Variants in GABRG3 observed in about 807,000 individuals in gnomAD.
GABRG3 encodes the protein gamma-aminobutyric acid type A receptor subunit gamma3, also known as gamma-aminobutyric acid receptor subunit gamma-3.
A neutral mutation model predicts 48.8 loss-of-function variants in GABRG3; 25 were observed. The ratio of observed to expected loss-of-function variants is 0.51; its 90% confidence interval spans 0.37 to 0.72. The LOEUF (loss-of-function observed/expected upper bound fraction) is 0.72. Among genes scored for constraint, GABRG3 ranks in the 30% least tolerant of loss-of-function variants. The pLI is 0.00. For missense variants in GABRG3, 394 were observed against 577.9 expected (o/e 0.68, Z 3.26); for synonymous variants, 227 against 217.6 (o/e 1.04, Z -0.38).
chr15:27,253,497 C>T (rs2140461486), intron 3 of GABRG3, among the ~76,000 whole-genome samples: 1 of 152,358 alleles, frequency 6.6e-6, no homozygotes, highest in South Asian at 2.1e-4. Flanking sequence ...GAACTCCCCA[C>T]CTGGGGAAAT....
At chr15:27,522,408 A>G (rs181139541) in intron 7 of GABRG3, among the ~76,000 whole-genome samples, 41 of 151,940 alleles carry the variant, frequency 2.7e-4, no homozygotes, top group African/African-American at 9.2e-4. Context: ...AATGAAAAAC[A>G]TCAGAAATGG....
intron 6 of GABRG3, among the ~76,000 whole-genome samples, chr15:27,507,686 G>A (rs1034450060): frequency 4.6e-5 from 7 of 152,046 alleles, no homozygotes; most frequent in East Asian, 1.9e-4. Context: ...TGGTTGATAC[G>A]ATTGTTCAAG....
chr15:27,177,557 G>C (rs1274747009), intron 3 of GABRG3, among the ~76,000 whole-genome samples: 1 of 152,206 alleles, frequency 6.6e-6, no homozygotes. Flanking sequence ...TCAAAGTTAA[G>C]TTATAAACTA....
intron 8 of GABRG3, 131 bp from the exon 9 acceptor site, chr15:27,527,802 A>C: frequency 1.0e-6 from 1 of 966,946 alleles, no homozygotes; most frequent in Non-Finnish European, 1.6e-6. Flanking sequence ...ATGTGACTCT[A>C]AGACATCTCT....
intron 3 of GABRG3, among the ~76,000 whole-genome samples, chr15:27,302,169 A>C (rs970856234): frequency 6.6e-6 from 1 of 152,122 alleles, no homozygotes; most frequent in African/African-American, 2.4e-5. Context: ...ATTCTTCAAA[A>C]TATGTTTGAT....
intron 6 of GABRG3, among the ~76,000 whole-genome samples, chr15:27,485,490 A>G (rs928689605): frequency 3.3e-5 from 5 of 152,132 alleles, no homozygotes; most frequent in Non-Finnish European, 7.4e-5. Context: ...ATGCCACTGG[A>G]GCTAGAGCCC....
intron 3 of GABRG3, among the ~76,000 whole-genome samples, chr15:27,030,450 A>G (rs961152447): frequency 1.3e-5 from 2 of 152,166 alleles, no homozygotes; most frequent in African/African-American, 4.8e-5. Flanking sequence ...GGAGCTGTTT[A>G]TGCTTTTTCT....
intron 2 of GABRG3, among the ~76,000 whole-genome samples, chr15:27,004,022 C>T (rs530313195): frequency 1.2e-3 from 177 of 146,372 alleles, no homozygotes; most frequent in African/African-American, 3.5e-3. Context: ...GCTGTCCGGG[C>T]GGGGGGCTGA....
rs373413606 is a variant in GABRG3 at position 27,527,446 on chromosome 15, G to A, written c.879G>A (p.Val293=). Residue 293 remains valine, a synonymous_variant, in exon 8 of 10, where the codon GTG becomes GTA. Coordinates refer to ENST00000615808, the MANE Select transcript of GABRG3 (RefSeq NM_033223.5). ...PARTALGITT[V]LTMTTLSTIA... is the part of the protein sequence containing the mutation. ...TCCCCTGTTCAGGCATCACCACGGT[G>A]CTGACCATGACCACCCTGAGCACCA... 23 of 1,613,636 alleles carry A rather than the reference G, an allele frequency of 1.4e-5. No individual in the cohort carries two copies. The African/African-American group carries it at 2.9e-4, about 21-fold the overall frequency.
intron 3 of GABRG3, among the ~76,000 whole-genome samples, chr15:27,308,297 ACAT>A (rs202115882): frequency 0.014 from 1,799 of 130,694 alleles, 120 homozygotes; most frequent in African/African-American, 0.058. Context: ...TTATATATAA[ACAT>A]CATATAAACA....
chr15:27,083,571 C>T (rs1451944224), intron 3 of GABRG3, among the ~76,000 whole-genome samples: 1 of 152,122 alleles, frequency 6.6e-6, no homozygotes, highest in Non-Finnish European at 1.5e-5. Context: ...CATGATCCAC[C>T]TGCCTCGGCC....
intron 2 of GABRG3, among the ~76,000 whole-genome samples, chr15:27,008,345 A>G (rs1895625203): frequency 6.6e-6 from 1 of 152,210 alleles, no homozygotes; most frequent in African/African-American, 2.4e-5. Flanking sequence ...CAATAGTCTC[A>G]TATTCTGAAT....
At chr15:27,392,822 G>C (rs1035083436) in intron 5 of GABRG3, among the ~76,000 whole-genome samples, 1 of 152,146 alleles carries the variant, frequency 6.6e-6, no homozygotes, top group African/African-American at 2.4e-5. Context: ...CAACATTACT[G>C]TATTTATTTT....
intron 3 of GABRG3, among the ~76,000 whole-genome samples, chr15:27,123,477 A>G (rs1055478148): frequency 6.6e-6 from 1 of 152,216 alleles, no homozygotes; most frequent in African/African-American, 2.4e-5. Context: ...TATGAGGAAC[A>G]GGCCTTCGCC....
intron 3 of GABRG3, among the ~76,000 whole-genome samples, chr15:27,201,469 A>T (rs1211547608): frequency 6.6e-6 from 1 of 150,638 alleles, no homozygotes; most frequent in Non-Finnish European, 1.5e-5. Context: ...GAAAAGGAGG[A>T]TGAGGAGGAA....
chr15:27,302,205 G>A (rs1014392578), intron 3 of GABRG3, among the ~76,000 whole-genome samples: 1 of 152,030 alleles, frequency 6.6e-6, no homozygotes, highest in Non-Finnish European at 1.5e-5. Context: ...ATACATAAAA[G>A]TGTCTGATAG....
At chr15:27,455,695 T>A (rs1396767185) in intron 5 of GABRG3, among the ~76,000 whole-genome samples, 1 of 151,042 alleles carries the variant, frequency 6.6e-6, no homozygotes, top group Admixed American at 6.6e-5. Flanking sequence ...CATTTGTGTA[T>A]ATGTGCATGG....
chr15:27,061,506 C>T (rs974283110), intron 3 of GABRG3, among the ~76,000 whole-genome samples: 6 of 149,966 alleles, frequency 4.0e-5, no homozygotes, highest in Non-Finnish European at 8.9e-5. Flanking sequence ...AGAAAACAAA[C>T]TGTTCAGCTG....
intron 3 of GABRG3, chr15:27,271,577 C>T (rs957161092): frequency 4.5e-6 from 2 of 444,246 alleles, no homozygotes; most frequent in African/African-American, 2.2e-5. Context: ...AGGATGGCTG[C>T]TGGGTATGCA....
Sources: allele counts gnomAD v4.1 joint callset (sites outside exome capture counted in the v4.1 genomes callset), GRCh38; gene constraint gnomAD v4.1.1; transcripts MANE v1.5; gene names NCBI Gene and HGNC (gene_info 2026-07-23, HGNC 2026-07-21).